COLQ: variants seen among roughly 807,000 people sequenced by gnomAD.
COLQ encodes acetylcholinesterase collagenic tail peptide.
In COLQ, 48 loss-of-function variants were observed where a neutral mutation model predicts 69.0. The observed-to-expected ratio is 0.70, with a 90% CI of 0.55 to 0.88. The LOEUF is 0.88. Ranked by LOEUF, COLQ falls within the 40% of genes least tolerant of loss-of-function variation. COLQ has a pLI of 0.00. For synonymous variants in COLQ, 217 were observed against 211.2 expected (o/e 1.03, Z -0.24); for missense variants, 618 against 594.6 (o/e 1.04, Z -0.41).
At chr3:15,494,280 A>C (rs1481622304) in intron 1 of COLQ, among the ~76,000 whole-genome samples, 2 of 152,096 alleles carry the variant, frequency 1.3e-5, no homozygotes, top group Non-Finnish European at 2.9e-5. Flanking sequence ...TGTGGGGAGG[A>C]CAGGCTTGGA....
chr3:15,474,844 G>A lies in COLQ; in HGVS notation c.555+81C>T, dbSNP rs1043227352. 8.0e-6 allele frequency: 12 copies of A among 1,498,570 alleles called. 1 individual carries two copies. In the African/African-American group the frequency reaches 1.5e-4, roughly 19 times the overall value. 92.8% of individuals were successfully genotyped at this position (1,498,570 alleles called of 1,614,324 possible). On this transcript the variant is annotated intron_variant, in intron 8 of 16. Transcript: ENST00000383788. The stretch of plus-strand genomic sequence containing the variant: ...CAGTTGCAGACTAAAGAGAGACCTG[G>A]ACCCATTCTCTGCATGTCTCTGATT...
At chr3:15,471,955 G>T (rs1382347324) in intron 10 of COLQ, among the ~76,000 whole-genome samples, 1 of 151,130 alleles carries the variant, frequency 6.6e-6, no homozygotes, top group East Asian at 2.0e-4. Flanking sequence ...GGAGAAAACA[G>T]CAGCACAAGC....
intron 10 of COLQ, among the ~76,000 whole-genome samples, chr3:15,472,038 A>G (rs2062297920): frequency 6.6e-6 from 1 of 151,702 alleles, no homozygotes; most frequent in South Asian, 2.1e-4. Flanking sequence ...TGAAGCAGTC[A>G]GGAATTTCTT....
intron 2 of COLQ, 133 bp downstream of exon 2, chr3:15,489,392 A>G: frequency 1.2e-6 from 1 of 800,018 alleles, no homozygotes; most frequent in Admixed American, 2.0e-5. Context: ...CTTCTGGGTG[A>G]CAGTGGAGGG....
rs140757249 is a variant in COLQ at position 15,501,220 on chromosome 3, A to T, written c.107-11583T>A. On this transcript the variant is annotated intron_variant, in intron 1 of 16. Transcript: ENST00000383788. ...ACATTCACAGTATTTTGTCTTAATT[A>T]CAGCTCTGGGATTTATCAGCCAGGC... Among the ~76,000 whole-genome samples the T allele has an allele frequency of 1.8e-4, 27 of 152,320 alleles. No homozygotes were observed. The East Asian group carries it at 5.2e-3, about 29-fold the overall frequency.
intron 3 of COLQ, among the ~76,000 whole-genome samples, chr3:15,485,859 G>A (rs1215077436): frequency 6.6e-6 from 1 of 152,196 alleles, no homozygotes; most frequent in Non-Finnish European, 1.5e-5. Context: ...TCCTGTGGGA[G>A]GCTGATGTAG....
intron 1 of COLQ, among the ~76,000 whole-genome samples, chr3:15,513,490 GGATAA>G (rs1490556732): frequency 5.9e-5 from 9 of 152,166 alleles, no homozygotes; most frequent in African/African-American, 2.2e-4. Flanking sequence ...AGGAGTTGAT[GGATAA>G]ATATCCCAGT....
chr3:15,457,241 A>G (rs60515264), intron 13 of COLQ, among the ~76,000 whole-genome samples: 5,892 of 152,204 alleles, frequency 0.039, 346 homozygotes, highest in African/African-American at 0.13. Context: ...CTACTCAAAG[A>G]TATTCTTTAC....
chr3:15,455,542 A>G (rs1397831336), intron 15 of COLQ, among the ~76,000 whole-genome samples: 1 of 152,066 alleles, frequency 6.6e-6, no homozygotes, highest in African/African-American at 2.4e-5. Context: ...TTTGCCTTTC[A>G]CTACTCCATG....
chr3:15,488,822 T>C (rs1401158777), intron 2 of COLQ, among the ~76,000 whole-genome samples: 1 of 152,236 alleles, frequency 6.6e-6, no homozygotes, highest in East Asian at 1.9e-4. Flanking sequence ...CTCATACTAC[T>C]TCTTTCGAAA....
At chr3:15,489,436 C>T in intron 2 of COLQ, 89 bp downstream of exon 2, 1 of 1,204,650 alleles carries the variant, frequency 8.3e-7, no homozygotes, top group Non-Finnish European at 1.2e-6. Context: ...GGAGGCAGCT[C>T]AGGTGGAGTG....
intron 1 of COLQ, among the ~76,000 whole-genome samples, chr3:15,516,033 C>T (rs73816248): frequency 0.028 from 4,205 of 152,142 alleles, 193 homozygotes; most frequent in African/African-American, 0.093. Context: ...ACCTCTCACA[C>T]CCACCCCTCT....
Position 15,456,498 on chromosome 3 carries a change from G to A in COLQ, c.1036C>T (p.Leu346=), listed in dbSNP as rs750489224. ...AIAFRRDQRS[L]YFKDSLGWLP... ...CAGCCAAGGCTGTCCTTGAAGTACAGAGATCTCTGGTCTCTGCGGAAGGCA... is the reference window on the plus strand; with the variant it reads ...CAGCCAAGGCTGTCCTTGAAGTACAAAGATCTCTGGTCTCTGCGGAAGGCA... The change falls in exon 14 of 17, where the codon CTG becomes TTG. Residue 346 remains leucine, a synonymous_variant. Transcript: ENST00000383788. 3 of 1,614,090 alleles carry A rather than the reference G, an allele frequency of 1.9e-6. No homozygotes were observed. Among genetic ancestry groups the A allele is most frequent in the Non-Finnish European group, 2.5e-6 (3 of 1,180,042 alleles).
intron 1 of COLQ, among the ~76,000 whole-genome samples, chr3:15,491,303 G>T (rs1266079686): frequency 6.6e-6 from 1 of 152,116 alleles, no homozygotes; most frequent in Non-Finnish European, 1.5e-5. Context: ...CTCAGTTTTG[G>T]TGTCACGATG....
At chr3:15,454,293 G>C (rs546439323) in intron 15 of COLQ, among the ~76,000 whole-genome samples, 34 of 152,322 alleles carry the variant, frequency 2.2e-4, no homozygotes, top group Non-Finnish European at 4.1e-4. Context: ...GCCCCAGTGA[G>C]GGTGCATGGT....
At chr3:15,488,164 TA>T in intron 3 of COLQ, 41 bp downstream of exon 3, 1 of 1,454,494 alleles carries the variant, frequency 6.9e-7, no homozygotes, top group African/African-American at 1.4e-5. Context: ...TTTCCTGCTC[TA>T]AACAGAAGAC....
chr3:15,466,410 C>G lies in COLQ; in HGVS notation c.745G>C (p.Gly249Arg). 6.2e-7 allele frequency: 1 copy of G among 1,614,104 alleles called. No homozygotes were observed. The highest frequency in any genetic ancestry group is 8.5e-7 in the Non-Finnish European group (1 of 1,180,020). The change falls in exon 12 of 17, where the codon GGC (glycine) becomes CGC (arginine). Residue 249 changes from glycine to arginine, a missense_variant. By Grantham distance (125) the Gly-to-Arg change is moderately radical. Coordinates refer to ENST00000383788, the MANE Select transcript of COLQ (RefSeq NM_005677.4). ...QGQKGDSGVM[G>R]PPGKPGPSGQ... ...GAAGGCCCAGGCTTGCCTGGTGGGCCCATAACTCCACTATCCCCTTTCTGT... is the reference window on the plus strand; with the variant it reads ...GAAGGCCCAGGCTTGCCTGGTGGGCGCATAACTCCACTATCCCCTTTCTGT...
chr3:15,494,185 C>T (rs1309362084), intron 1 of COLQ, among the ~76,000 whole-genome samples: 2 of 152,106 alleles, frequency 1.3e-5, no homozygotes, highest in African/African-American at 2.4e-5. Flanking sequence ...ATTGGAAAGT[C>T]GTAGGAAACC....
intron 3 of COLQ, among the ~76,000 whole-genome samples, chr3:15,480,055 T>C (rs1051923445): frequency 2.0e-5 from 3 of 152,192 alleles, no homozygotes. Context: ...TGCAAAATGC[T>C]CAGTCAGCTG....
Sources: allele counts gnomAD v4.1 joint callset (sites outside exome capture counted in the v4.1 genomes callset), GRCh38; gene constraint gnomAD v4.1.1; transcripts MANE v1.5; gene names NCBI Gene and HGNC (gene_info 2026-07-23, HGNC 2026-07-21).